Variants in TAFA2 observed in about 807,000 individuals in gnomAD.
The protein encoded by TAFA2 is TAFA chemokine like family member 2.
In TAFA2, 7 loss-of-function variants were observed where a neutral mutation model predicts 18.8. The ratio of observed to expected loss-of-function variants is 0.37; its 90% confidence interval spans 0.21 to 0.70. The LOEUF is 0.70. Among genes scored for constraint, TAFA2 ranks in the 30% least tolerant of loss-of-function variants. TAFA2 has a pLI of 0.53. For synonymous variants in TAFA2, 60 were observed against 54.2 expected, an observed-to-expected ratio of 1.11 and a Z score of -0.47; for missense variants, 122 against 158.1, an observed-to-expected ratio of 0.77 and a Z score of 1.23.
intron 1 of TAFA2, among the ~76,000 whole-genome samples, chr12:61,939,418 T>C (rs1026149004): frequency 6.6e-6 from 1 of 152,220 alleles, no homozygotes; most frequent in East Asian, 1.9e-4. Context: ...ATGTGTATCT[T>C]TGGTTTATTG....
intron 1 of TAFA2, among the ~76,000 whole-genome samples, chr12:62,147,188 G>C (rs1191918549): frequency 1.3e-5 from 2 of 149,472 alleles, no homozygotes; most frequent in African/African-American, 2.5e-5. Flanking sequence ...AAAGGTTAAA[G>C]GTAAGTCCTC....
At chr12:61,762,250 C>T (rs191472859) in intron 2 of TAFA2, among the ~76,000 whole-genome samples, 41 of 152,210 alleles carry the variant, frequency 2.7e-4, no homozygotes, top group Admixed American at 2.5e-3. Flanking sequence ...AAGTTCTAAA[C>T]ACATGCAGCA....
chr12:62,213,136 T>C (rs190652372), intron 1 of TAFA2, among the ~76,000 whole-genome samples: 2 of 152,172 alleles, frequency 1.3e-5, no homozygotes, highest in Admixed American at 6.5e-5. Context: ...CAGCTGCTCA[T>C]ATACCCCACC....
chr12:61,993,794 G>C (rs74786507), intron 1 of TAFA2, among the ~76,000 whole-genome samples: 1 of 152,256 alleles, frequency 6.6e-6, no homozygotes, highest in African/African-American at 2.4e-5. Flanking sequence ...AGAGACTAAA[G>C]TGTTCATGTT....
intron 1 of TAFA2, among the ~76,000 whole-genome samples, chr12:61,928,249 G>T (rs2121386210): frequency 6.6e-6 from 1 of 152,290 alleles, no homozygotes; most frequent in South Asian, 2.1e-4. Context: ...GAAAATTTTT[G>T]CAATCTATCC....
chr12:62,054,923 A>G (rs1044815867), intron 1 of TAFA2, among the ~76,000 whole-genome samples: 3 of 152,226 alleles, frequency 2.0e-5, no homozygotes, highest in Admixed American at 6.5e-5. Flanking sequence ...TAAAGAACAG[A>G]AATTAGTCTC....
chr12:61,940,502 C>A (rs192661407), intron 1 of TAFA2, among the ~76,000 whole-genome samples: 59 of 152,266 alleles, frequency 3.9e-4, no homozygotes, highest in East Asian at 3.9e-4. Flanking sequence ...GAGGGAGAGG[C>A]CTTACTCTGC....
At chr12:61,884,501 T>G (rs2359976) in intron 1 of TAFA2, among the ~76,000 whole-genome samples, 8 of 152,126 alleles carry the variant, frequency 5.3e-5, no homozygotes, top group African/African-American at 1.9e-4. Flanking sequence ...TCTTTTTTAG[T>G]AGGACACCGG....
At chr12:61,816,071 A>G (rs373053503) in intron 2 of TAFA2, among the ~76,000 whole-genome samples, 1 of 151,342 alleles carries the variant, frequency 6.6e-6, no homozygotes, top group African/African-American at 2.5e-5. Flanking sequence ...CATCTGATAC[A>G]TAGGTAAACT....
At chr12:61,857,422 G>C (rs987732951) in intron 2 of TAFA2, among the ~76,000 whole-genome samples, 1 of 152,054 alleles carries the variant, frequency 6.6e-6, no homozygotes, top group Non-Finnish European at 1.5e-5. Flanking sequence ...AGTGGTGAGA[G>C]GGGAAGCTTT....
chr12:61,773,506 G>C (rs1159135911), intron 2 of TAFA2, among the ~76,000 whole-genome samples: 1 of 151,912 alleles, frequency 6.6e-6, no homozygotes, highest in Non-Finnish European at 1.5e-5. Context: ...CATAAAAATA[G>C]GCACATAGAC....
At chr12:62,206,999 C>G (rs2062694391) in intron 1 of TAFA2, 1 of 152,212 alleles carries the variant, frequency 6.6e-6, no homozygotes, top group Non-Finnish European at 1.5e-5. Flanking sequence ...ACAACCTCCT[C>G]TGCCTAGTTA....
At chr12:61,923,335 G>A (rs1227535988) in intron 1 of TAFA2, among the ~76,000 whole-genome samples, 2 of 152,166 alleles carry the variant, frequency 1.3e-5, no homozygotes, top group African/African-American at 4.8e-5. Flanking sequence ...CCTCATGCAG[G>A]AGAGCTCTGG....
intron 2 of TAFA2, among the ~76,000 whole-genome samples, chr12:61,781,432 A>C (rs2120885731): frequency 6.6e-6 from 1 of 151,864 alleles, no homozygotes; most frequent in South Asian, 2.1e-4. Context: ...ATTAGTGAAG[A>C]TGTTTGTTTT....
chr12:61,831,171 A>G (rs1249728975), intron 2 of TAFA2, among the ~76,000 whole-genome samples: 5 of 152,080 alleles, frequency 3.3e-5, no homozygotes, highest in African/African-American at 1.2e-4. Flanking sequence ...GATCACATAT[A>G]TAAGGACCTT....
At chr12:61,862,732 G>T (rs1417241175) in intron 2 of TAFA2, among the ~76,000 whole-genome samples, 1 of 151,992 alleles carries the variant, frequency 6.6e-6, no homozygotes, top group Non-Finnish European at 1.5e-5. Flanking sequence ...CATACCTATT[G>T]CTGCTTTGCC....
At chr12:61,991,565 A>G (rs1045215900) in intron 1 of TAFA2, among the ~76,000 whole-genome samples, 1 of 152,172 alleles carries the variant, frequency 6.6e-6, no homozygotes, top group African/African-American at 2.4e-5. Flanking sequence ...TGAATGCTAC[A>G]TTTCAGTTAA....
At chr12:62,100,037 T>A (rs1036388984) in intron 1 of TAFA2, among the ~76,000 whole-genome samples, 4 of 152,078 alleles carry the variant, frequency 2.6e-5, no homozygotes, top group African/African-American at 9.7e-5. Context: ...TATGAATTTT[T>A]TTATTTTTCT....
intron 2 of TAFA2, among the ~76,000 whole-genome samples, chr12:61,791,733 GA>G (rs1398914432): frequency 2.6e-5 from 4 of 151,750 alleles, no homozygotes; most frequent in Admixed American, 2.6e-4. Flanking sequence ...TGTTGGTGAG[GA>G]TGTGGAGAAA....
Sources: gnomAD v4.1 joint callset for allele counts (sites outside exome capture counted in the v4.1 genomes callset) on GRCh38, gnomAD v4.1.1 for gene constraint, MANE v1.5 for transcripts, NCBI Gene and HGNC (gene_info 2026-07-23, HGNC 2026-07-21) for gene names.